Variants in PTBP3 observed in about 807,000 individuals in gnomAD.
The protein encoded by PTBP3 is polypyrimidine tract-binding protein 3.
PTBP3 carries 20 observed loss-of-function variants against 58.7 expected under a neutral mutation model. That is an observed-to-expected ratio of 0.34 (90% CI 0.24 to 0.50). The LOEUF (loss-of-function observed/expected upper bound fraction) is 0.50, where lower values mean the gene tolerates loss of function less well. Among genes scored for constraint, PTBP3 ranks in the 20% least tolerant of loss-of-function variants. The pLI, the probability that PTBP3 is intolerant of heterozygous loss-of-function variation, is 0.98. For missense variants in PTBP3, 509 were observed against 637.2 expected (o/e 0.80, Z 2.17); for synonymous variants, 185 against 219.8 (o/e 0.84, Z 1.40).
the PTBP3 span, among the ~76,000 whole-genome samples, chr9:112,379,494 G>A: frequency 7.4e-6 from 1 of 134,344 alleles, no homozygotes; most frequent in South Asian, 2.4e-4. Flanking sequence ...GACTTTTGCA[G>A]AGAGCTCTGT....
At chr9:112,267,987 G>T in intron 4 of PTBP3, 62 bp downstream of exon 4, 2 of 1,463,322 alleles carry the variant, frequency 1.4e-6, no homozygotes, top group Non-Finnish European at 1.9e-6. Flanking sequence ...CATCTGTAAA[G>T]TATGTAAGTT....
intron 2 of PTBP3, among the ~76,000 whole-genome samples, chr9:112,277,961 C>T (rs192513371): frequency 8.2e-5 from 11 of 133,752 alleles, no homozygotes; most frequent in Admixed American, 1.5e-4. Flanking sequence ...CATAACATAA[C>T]ATAACATAAC....
chr9:112,341,766 A>T, the PTBP3 span, among the ~76,000 whole-genome samples: 8 of 152,216 alleles, frequency 5.3e-5, no homozygotes, highest in Non-Finnish European at 1.2e-4. Context: ...GTAGATAGCC[A>T]TCAAGTAAGG....
At chr9:112,307,735 G>C (rs1309504609) in intron 1 of PTBP3, among the ~76,000 whole-genome samples, 2 of 152,092 alleles carry the variant, frequency 1.3e-5, no homozygotes, top group East Asian at 3.9e-4. Flanking sequence ...GAAAACAAAG[G>C]CTTTTTTGAT....
At chr9:112,305,114 T>C (rs1829118583) in intron 1 of PTBP3, among the ~76,000 whole-genome samples, 1 of 152,176 alleles carries the variant, frequency 6.6e-6, no homozygotes, top group African/African-American at 2.4e-5. Flanking sequence ...TCAAATACTG[T>C]TAAAATTAGC....
rs1834716934 is a variant in PTBP3 at position 112,219,050 on chromosome 9, T to C, written c.*4801A>G. 6.6e-6 allele frequency: 1 copy of C among 152,512 alleles called. No individual in the cohort carries two copies. Among genetic ancestry groups the C allele is most frequent in the Non-Finnish European group, 1.5e-5 (1 of 68,032 alleles). The allele number at this position is 152,512 out of a possible 1,614,324, so 9.4% of individuals were successfully genotyped here. A position where few individuals can be genotyped will look rare whatever the true frequency, so the allele number is the denominator to read the frequency against. ...CACTGAAACTCACATTTTCTCTAAG[T>C]AGTCTATTCAGCAGTAGAAATTGAA... On this transcript the variant is annotated 3_prime_UTR_variant, in exon 14 of 14. Transcript: ENST00000374257.
At chr9:112,230,450 A>T (rs767924906) in intron 10 of PTBP3, among the ~76,000 whole-genome samples, 26 of 152,226 alleles carry the variant, frequency 1.7e-4, no homozygotes, top group Non-Finnish European at 2.9e-5. Context: ...AGTTTTCAAG[A>T]TCCACTGATT....
In PTBP3 at chr9:112,309,649, G is replaced by A. The variant is rs138721055; in HGVS notation, c.-51-11733C>T. 3.0e-3 allele frequency among the ~76,000 whole-genome samples: 454 copies of A among 152,132 alleles called. 1 individual carries two copies. The highest frequency in any genetic ancestry group is 9.8e-3 in the African/African-American group (406 of 41,520). On this transcript the variant is annotated intron_variant, in intron 1 of 13. Coordinates refer to ENST00000374257, the MANE Select transcript of PTBP3 (RefSeq NM_001163788.4). ...AAAAATACAAAAAAATTAGCTGGGCGTGGTGGTGGACGCCTGTAATCCCAG... is the reference window on the plus strand; with the variant it reads ...AAAAATACAAAAAAATTAGCTGGGCATGGTGGTGGACGCCTGTAATCCCAG...
chr9:112,357,880 A>G, the PTBP3 span, among the ~76,000 whole-genome samples: 1 of 152,190 alleles, frequency 6.6e-6, no homozygotes, highest in Non-Finnish European at 1.5e-5. Context: ...TTTTTGGTTG[A>G]CAAAACTGGA....
intron 2 of PTBP3, 113 bp downstream of exon 2, chr9:112,297,719 G>T: frequency 1.2e-6 from 1 of 813,694 alleles, no homozygotes. Context: ...ACAAATTTTA[G>T]CTTTTGTTAT....
At chr9:112,302,060 T>C (rs758144330) in intron 1 of PTBP3, among the ~76,000 whole-genome samples, 3 of 152,114 alleles carry the variant, frequency 2.0e-5, no homozygotes, top group Non-Finnish European at 4.4e-5. Flanking sequence ...TGTGCTTCTG[T>C]ACAACAGTGG....
At chr9:112,251,707 T>C (rs975240606) in intron 6 of PTBP3, among the ~76,000 whole-genome samples, 2 of 152,208 alleles carry the variant, frequency 1.3e-5, no homozygotes, top group Admixed American at 6.5e-5. Flanking sequence ...AATAAAAATT[T>C]ACCTAAGGGT....
chr9:112,232,904 T>C (rs1835299502), intron 8 of PTBP3, among the ~76,000 whole-genome samples: 1 of 152,188 alleles, frequency 6.6e-6, no homozygotes, highest in Non-Finnish European at 1.5e-5. Flanking sequence ...TTTTGTGTTC[T>C]CAGCTTAAAA....
chr9:112,223,146 G>T lies in PTBP3; in HGVS notation c.*705C>A. 2.2e-6 allele frequency: 2 copies of T among 893,178 alleles called. No individual in the cohort carries two copies. The highest frequency in any genetic ancestry group is 2.7e-6 in the Non-Finnish European group (2 of 745,840). The allele number at this position is 893,178 out of a possible 1,614,324, so 55.3% of individuals were successfully genotyped here. The stretch of plus-strand genomic sequence containing the variant: ...GACATCTTATTAACAGATCTTAGTT[G>T]AATTCCACTTAATTTCCCTGGGGAC... On this transcript the variant is annotated 3_prime_UTR_variant, in exon 14 of 14. Transcript: ENST00000374257.
At chr9:112,362,920 C>T in the PTBP3 span, 4 of 284,036 alleles carry the variant, frequency 1.4e-5, no homozygotes, top group South Asian at 4.3e-5. Context: ...GCACATGCTG[C>T]CCAGCGGCTT....
intron 1 of PTBP3, among the ~76,000 whole-genome samples, chr9:112,318,670 G>C (rs547106657): frequency 6.6e-6 from 1 of 151,662 alleles, no homozygotes; most frequent in South Asian, 2.1e-4. Flanking sequence ...TAGGGCAGGA[G>C]AATCACTTGA....
At chr9:112,261,776 G>A (rs1242430990) in intron 5 of PTBP3, among the ~76,000 whole-genome samples, 1 of 152,044 alleles carries the variant, frequency 6.6e-6, no homozygotes, top group Non-Finnish European at 1.5e-5. Flanking sequence ...ACAAAACATG[G>A]GAAATTACAT....
At chr9:112,333,683 C>G (rs1480953523), upstream of PTBP3, 5 of 484,964 alleles carry the variant, frequency 1.0e-5, no homozygotes, top group African/African-American at 8.4e-5. Context: ...CCCCACCCCG[C>G]GAGCGCGTCC....
intron 1 of PTBP3, among the ~76,000 whole-genome samples, chr9:112,319,020 G>A (rs1380706327): frequency 4.0e-5 from 6 of 149,920 alleles, no homozygotes; most frequent in African/African-American, 7.4e-5. Context: ...CCATCTACTC[G>A]GGAGGCTGAG....
Sources: gnomAD v4.1 joint callset for allele counts (sites outside exome capture counted in the v4.1 genomes callset) on GRCh38, gnomAD v4.1.1 for gene constraint, MANE v1.5 for transcripts, NCBI Gene and HGNC (gene_info 2026-07-23, HGNC 2026-07-21) for gene names.